TYW1: variants seen among roughly 807,000 people sequenced by gnomAD.
TYW1 encodes tRNA-yW synthesizing protein 1 homolog.
A neutral mutation model predicts 96.2 loss-of-function variants in TYW1; 46 were observed. That is an observed-to-expected ratio of 0.48 (90% confidence interval 0.38 to 0.61). TYW1 has a LOEUF of 0.61. Ranked by LOEUF, TYW1 falls within the 20% of genes least tolerant of loss-of-function variation. The pLI is 0.00. For synonymous variants in TYW1, 274 were observed against 323.0 expected, an observed-to-expected ratio of 0.85 and a Z score of 1.63; for missense variants, 684 against 909.6, an observed-to-expected ratio of 0.75 and a Z score of 3.19.
intron 11 of TYW1, chr7:67,089,498 G>T: frequency 4.4e-6 from 4 of 902,950 alleles, no homozygotes; most frequent in South Asian, 2.8e-5. Context: ...CCTCACTCTG[G>T]CTTGGAGAGT....
intron 11 of TYW1, among the ~76,000 whole-genome samples, chr7:67,096,806 T>A (rs1474986353): frequency 7.2e-5 from 11 of 152,266 alleles, no homozygotes; most frequent in East Asian, 5.8e-4. Flanking sequence ...AGGATACATA[T>A]TTTTGCCTAT....
At chr7:67,154,511 C>T (rs1475535944) in intron 13 of TYW1, among the ~76,000 whole-genome samples, 3 of 150,622 alleles carry the variant, frequency 2.0e-5, no homozygotes, top group African/African-American at 7.4e-5. Context: ...TTGATTGTAT[C>T]ATCCCATTCT....
intron 10 of TYW1, among the ~76,000 whole-genome samples, chr7:67,081,342 G>A (rs1796386977): frequency 1.3e-5 from 2 of 148,978 alleles, no homozygotes; most frequent in East Asian, 4.0e-4. Context: ...GTGACGTGAT[G>A]CTTTTCAATT....
chr7:67,010,776 A>G (rs28592883), intron 4 of TYW1, among the ~76,000 whole-genome samples: 2 of 151,916 alleles, frequency 1.3e-5, no homozygotes, highest in Non-Finnish European at 1.5e-5. Flanking sequence ...CGCCTGGCCA[A>G]AAGATTTTTT....
At chr7:67,184,931 C>G (rs3980776) in intron 14 of TYW1, among the ~76,000 whole-genome samples, 42,264 of 151,222 alleles carry the variant, frequency 0.28, 6,393 homozygotes, top group African/African-American at 0.4. Context: ...TGGTCTCGAA[C>G]TCCTGACCTT....
intron 10 of TYW1, among the ~76,000 whole-genome samples, chr7:67,082,103 T>C (rs1047948471): frequency 6.6e-6 from 1 of 151,998 alleles, no homozygotes; most frequent in African/African-American, 2.4e-5. Flanking sequence ...TTAAATTCTG[T>C]TACAGGCCTC....
At position 67,050,817 on chromosome 7, in the gene TYW1, A is replaced by T. The variant is rs567524267; in HGVS notation, c.1102+751A>T. Among the ~76,000 whole-genome samples the T allele has an allele frequency of 2.0e-4, 31 of 152,164 alleles. 1 individual carries two copies. The East Asian group carries it at 5.2e-3, about 26-fold the overall frequency. ...GTTCTTTCAAATTAATTCATTTTTT[A>T]AAAATGACTCTATTTTATATTTTGT... is the stretch of plus-strand genomic sequence containing the variant. On this transcript the variant is annotated intron_variant, in intron 8 of 15. Transcript: ENST00000359626.
intron 12 of TYW1, among the ~76,000 whole-genome samples, chr7:67,113,663 GAGT>G (rs1318136013): frequency 3.7e-5 from 5 of 135,758 alleles, no homozygotes; most frequent in African/African-American, 1.4e-4. Context: ...TTTTGATGTG[GAGT>G]CTTGCTCTGT....
At chr7:67,195,767 T>G (rs1029224764) in intron 15 of TYW1, among the ~76,000 whole-genome samples, 5 of 149,870 alleles carry the variant, frequency 3.3e-5, no homozygotes, top group Admixed American at 1.3e-4. Context: ...GAATTTTGTT[T>G]GGGATTTTAG....
chr7:67,029,393 G>GT (rs1794571839), intron 7 of TYW1, among the ~76,000 whole-genome samples: 2 of 70,410 alleles, frequency 2.8e-5, no homozygotes, highest in African/African-American at 1.1e-4. Context: ...GTGTGTGTGT[G>GT]TGTGTGTGTG....
chr7:67,062,506 A>ATC (rs1215892123), intron 9 of TYW1, among the ~76,000 whole-genome samples: 1 of 145,574 alleles, frequency 6.9e-6, no homozygotes, highest in African/African-American at 2.6e-5. Flanking sequence ...GATGTAGCCC[A>ATC]TCTGCAGTCA....
At chr7:67,119,290 G>A (rs1323629535) in intron 13 of TYW1, among the ~76,000 whole-genome samples, 1 of 151,930 alleles carries the variant, frequency 6.6e-6, no homozygotes, top group African/African-American at 2.4e-5. Flanking sequence ...GGCGTCATTT[G>A]GTATGCAGCC....
intron 15 of TYW1, among the ~76,000 whole-genome samples, chr7:67,231,782 T>C (rs1288225746): frequency 6.6e-6 from 1 of 151,664 alleles, no homozygotes. Context: ...ACACCTTTAA[T>C]GTGGAAACTC....
At chr7:67,122,040 C>A (rs950043110) in intron 13 of TYW1, among the ~76,000 whole-genome samples, 4 of 151,304 alleles carry the variant, frequency 2.6e-5, no homozygotes, top group African/African-American at 9.8e-5. Flanking sequence ...GAAAACGCTG[C>A]CAGCTTTTAG....
chr7:67,022,027 C>T (rs1271715493), intron 6 of TYW1, among the ~76,000 whole-genome samples: 2 of 152,176 alleles, frequency 1.3e-5, no homozygotes, highest in Non-Finnish European at 2.9e-5. Flanking sequence ...CCTCCTATCT[C>T]AGCCTCCTGA....
At chr7:67,134,401 G>C (rs1798180328) in intron 13 of TYW1, among the ~76,000 whole-genome samples, 1 of 145,084 alleles carries the variant, frequency 6.9e-6, no homozygotes, top group African/African-American at 2.7e-5. Flanking sequence ...AAATTAGCCT[G>C]GCATGGTGGC....
intron 12 of TYW1, among the ~76,000 whole-genome samples, chr7:67,114,103 G>A (rs1441838962): frequency 1.3e-5 from 2 of 152,182 alleles, no homozygotes; most frequent in Admixed American, 6.5e-5. Flanking sequence ...GTGCCAGCTC[G>A]CTGAGTGGTA....
chr7:67,040,133 T>C (rs1794968527), intron 7 of TYW1, among the ~76,000 whole-genome samples: 1 of 152,016 alleles, frequency 6.6e-6, no homozygotes. Context: ...ATTTTTGTAT[T>C]TTTTGTAGAG....
At chr7:67,083,683 A>G (rs776948921) in intron 11 of TYW1, 144 bp downstream of exon 11, 52 of 915,150 alleles carry the variant, frequency 5.7e-5, no homozygotes, top group Non-Finnish European at 7.9e-5. Context: ...GGAATATTAT[A>G]TATATTTTGC....
Sources: allele counts gnomAD v4.1 joint callset (sites outside exome capture counted in the v4.1 genomes callset), GRCh38; gene constraint gnomAD v4.1.1; transcripts MANE v1.5; gene names NCBI Gene and HGNC (gene_info 2026-07-23, HGNC 2026-07-21).